GRXCR1: variants seen among roughly 807,000 people sequenced by gnomAD.
GRXCR1 encodes the protein glutaredoxin domain-containing cysteine-rich protein 1.
GRXCR1 carries 27 observed loss-of-function variants against 27.3 expected under a neutral mutation model. The ratio of observed to expected loss-of-function variants is 0.99; its 90% confidence interval spans 0.73 to 1.37. GRXCR1 has a LOEUF of 1.37. Among genes scored for constraint, GRXCR1 ranks in the 40% most tolerant of loss-of-function variants. The pLI is 0.00. For synonymous variants in GRXCR1, 122 were observed against 131.1 expected (o/e 0.93, Z 0.47); for missense variants, 379 against 354.4 (o/e 1.07, Z -0.56).
At chr4:42,912,912 G>C (rs1047811140) in intron 1 of GRXCR1, among the ~76,000 whole-genome samples, 23 of 152,106 alleles carry the variant, frequency 1.5e-4, no homozygotes. Flanking sequence ...TCATGATAGT[G>C]AGTGAGTTAT....
At chr4:42,926,008 G>T (rs1560651748) in intron 1 of GRXCR1, among the ~76,000 whole-genome samples, 1 of 151,964 alleles carries the variant, frequency 6.6e-6, no homozygotes, top group Non-Finnish European at 1.5e-5. Flanking sequence ...ACATTTCCAA[G>T]CTCCTTGAGA....
At chr4:42,939,150 T>C (rs1025553802) in intron 1 of GRXCR1, among the ~76,000 whole-genome samples, 1 of 152,104 alleles carries the variant, frequency 6.6e-6, no homozygotes, top group African/African-American at 2.4e-5. Context: ...AATATGTTTT[T>C]ATTTTTGTGT....
chr4:42,909,378 C>T (rs1313017018), intron 1 of GRXCR1, among the ~76,000 whole-genome samples: 1 of 152,068 alleles, frequency 6.6e-6, no homozygotes, highest in East Asian at 1.9e-4. Flanking sequence ...AGTTAGTTTA[C>T]CCGCACATCT....
At chr4:43,010,796 A>T (rs1167280591) in intron 2 of GRXCR1, among the ~76,000 whole-genome samples, 1 of 152,242 alleles carries the variant, frequency 6.6e-6, no homozygotes, top group Non-Finnish European at 1.5e-5. Context: ...TAGGCTAAAA[A>T]TTAGACTAGT....
intron 2 of GRXCR1, among the ~76,000 whole-genome samples, chr4:42,998,791 C>CT (rs1253063912): frequency 6.6e-6 from 1 of 152,074 alleles, no homozygotes; most frequent in African/African-American, 2.4e-5. Context: ...TGTTTTTCAC[C>CT]TTTTTGATCA....
chr4:42,923,734 G>A lies in GRXCR1; in HGVS notation c.384+30084G>A, dbSNP rs114428318. The stretch of plus-strand genomic sequence containing the variant: ...ACCAAATCCTCAAAAAATATCCAAG[G>A]ATGCTTCAACATGCCTCTTTTTTTT... On this transcript the variant is annotated intron_variant, in intron 1 of 3. Coordinates refer to ENST00000399770, the MANE Select transcript of GRXCR1 (RefSeq NM_001080476.3). 5.7e-3 allele frequency among the ~76,000 whole-genome samples: 870 copies of A among 152,086 alleles called. 5 individuals are homozygous for A. The highest frequency in any genetic ancestry group is 0.02 in the African/African-American group (835 of 41,518).
intron 2 of GRXCR1, among the ~76,000 whole-genome samples, chr4:43,014,054 C>CAAAA (rs3047831): frequency 8.4e-4 from 104 of 123,734 alleles, no homozygotes; most frequent in African/African-American, 2.5e-3. Context: ...TACATAATTG[C>CAAAA]AAAAAAAAAA....
intron 2 of GRXCR1, among the ~76,000 whole-genome samples, chr4:43,006,873 G>A (rs923914618): frequency 3.3e-5 from 5 of 152,052 alleles, no homozygotes; most frequent in South Asian, 2.1e-4. Context: ...TGTCTCCCCC[G>A]GACACCCAGC....
chr4:42,897,075 A>G (rs1746361990), intron 1 of GRXCR1, among the ~76,000 whole-genome samples: 1 of 152,170 alleles, frequency 6.6e-6, no homozygotes, highest in African/African-American at 2.4e-5. Flanking sequence ...TTAAAAATAT[A>G]TTTACTTTCT....
At chr4:42,983,916 A>G (rs945761024) in intron 2 of GRXCR1, among the ~76,000 whole-genome samples, 3 of 148,388 alleles carry the variant, frequency 2.0e-5, no homozygotes, top group East Asian at 2.0e-4. Context: ...GCTCACTGGA[A>G]CCTTCATCTT....
intron 1 of GRXCR1, among the ~76,000 whole-genome samples, chr4:42,900,708 T>G (rs1159407288): frequency 1.3e-5 from 2 of 152,018 alleles, no homozygotes; most frequent in African/African-American, 4.8e-5. Flanking sequence ...TAGGGAAACT[T>G]AGAGTACCAA....
intron 2 of GRXCR1, among the ~76,000 whole-genome samples, chr4:43,002,820 A>G (rs188003473): frequency 6.6e-6 from 1 of 152,342 alleles, no homozygotes; most frequent in African/African-American, 2.4e-5. Context: ...AAACTTATGA[A>G]TGATGTAGAC....
At chr4:42,983,152 A>T (rs112615932) in intron 2 of GRXCR1, among the ~76,000 whole-genome samples, 16,366 of 149,870 alleles carry the variant, frequency 0.11, 1,008 homozygotes, top group East Asian at 0.3. Context: ...CTGAATGGTA[A>T]TGCCTAGGTT....
intron 2 of GRXCR1, among the ~76,000 whole-genome samples, chr4:42,988,365 AT>A (rs1173327092): frequency 6.6e-6 from 1 of 152,230 alleles, no homozygotes; most frequent in African/African-American, 2.4e-5. Context: ...TATAATAAAA[AT>A]AAAAATATCA....
intron 1 of GRXCR1, among the ~76,000 whole-genome samples, chr4:42,896,806 A>G (rs1053731686): frequency 2.0e-5 from 3 of 152,178 alleles, no homozygotes; most frequent in Non-Finnish European, 2.9e-5. Flanking sequence ...TGAATGAGAT[A>G]TGCAATGACT....
intron 2 of GRXCR1, among the ~76,000 whole-genome samples, chr4:43,006,331 G>T (rs1467866167): frequency 6.6e-6 from 1 of 152,172 alleles, no homozygotes; most frequent in East Asian, 1.9e-4. Context: ...AACTCTGACT[G>T]CCGGTGAGCT....
chr4:43,021,048 C>A (rs1021598445), intron 3 of GRXCR1, among the ~76,000 whole-genome samples: 2 of 152,114 alleles, frequency 1.3e-5, no homozygotes, highest in African/African-American at 4.8e-5. Context: ...AGTAATTGTT[C>A]TGGGACAGCA....
chr4:42,945,358 A>T (rs541262554), intron 1 of GRXCR1, among the ~76,000 whole-genome samples: 1 of 152,316 alleles, frequency 6.6e-6, no homozygotes, highest in Middle Eastern at 3.4e-3. Flanking sequence ...TTATGGACTC[A>T]TGTAAATAAA....
intron 2 of GRXCR1, 70 bp downstream of exon 2, chr4:42,963,204 T>C (rs1748168366): frequency 3.2e-6 from 5 of 1,558,434 alleles, no homozygotes; most frequent in African/African-American, 1.4e-5. Flanking sequence ...TATAACCATC[T>C]ATACATTTGC....
Sources: gnomAD v4.1 joint callset for allele counts (sites outside exome capture counted in the v4.1 genomes callset) on GRCh38, gnomAD v4.1.1 for gene constraint, MANE v1.5 for transcripts, NCBI Gene and HGNC (gene_info 2026-07-23, HGNC 2026-07-21) for gene names.